CDH17: variants seen among roughly 807,000 people sequenced by gnomAD.
CDH17 encodes the protein cadherin-17.
CDH17 carries 67 observed loss-of-function variants against 86.3 expected under a neutral mutation model. The ratio of observed to expected loss-of-function variants is 0.78; its 90% CI spans 0.64 to 0.95. CDH17 has a LOEUF of 0.95. CDH17 is among the 40% of genes least tolerant of loss of function. The pLI, the probability that CDH17 is intolerant of heterozygous loss-of-function variation, is 0.00. For missense variants in CDH17, 993 were observed against 1,017.6 expected, an observed-to-expected ratio of 0.98 and a Z score of 0.33; for synonymous variants, 367 against 366.4, an observed-to-expected ratio of 1.00 and a Z score of -0.02.
intron 7 of CDH17, among the ~76,000 whole-genome samples, chr8:94,173,322 G>A (rs1813305034): frequency 6.6e-6 from 1 of 152,116 alleles, no homozygotes; most frequent in Non-Finnish European, 1.5e-5. Flanking sequence ...CGCCCTTGGT[G>A]GTAAGTGAGT....
chr8:94,206,388 G>A (rs1161659946), intron 1 of CDH17, among the ~76,000 whole-genome samples: 2 of 152,138 alleles, frequency 1.3e-5, no homozygotes, highest in African/African-American at 4.8e-5. Flanking sequence ...TTCTAAATCT[G>A]ATACCAGAGA....
Position 94,177,442 on chromosome 8 carries a change from C to A in CDH17, c.285+145G>T, listed in dbSNP as rs150778865. The A allele has an allele frequency of 1.4e-3, 1,165 of 817,776 alleles. 9 individuals are homozygous for A. Among genetic ancestry groups the A allele is most frequent in the East Asian group, 9.0e-3 (367 of 40,864 alleles). 50.7% of individuals were successfully genotyped at this position (817,776 alleles called of 1,614,324 possible). On this transcript the variant is annotated intron_variant, in intron 4 of 17. Transcript: ENST00000027335. ...CCCTCTGTAGTTGGTAAGAAATGGA[C>A]ATGTGAGGATTGCAAAGCGTCCCAT...
chr8:94,193,381 A>G (rs1813723396), intron 2 of CDH17, among the ~76,000 whole-genome samples: 1 of 152,226 alleles, frequency 6.6e-6, no homozygotes, highest in African/African-American at 2.4e-5. Flanking sequence ...AAAATGCTGT[A>G]GTAATTATAG....
upstream of CDH17, among the ~76,000 whole-genome samples, chr8:94,213,355 T>C (rs945059313): frequency 1.3e-5 from 2 of 152,170 alleles, no homozygotes; most frequent in Non-Finnish European, 2.9e-5. Flanking sequence ...TATCCTCCAG[T>C]AAATATTCTT....
intron 5 of CDH17, among the ~76,000 whole-genome samples, chr8:94,174,514 G>A (rs1001002836): frequency 6.6e-6 from 1 of 152,156 alleles, no homozygotes; most frequent in Non-Finnish European, 1.5e-5. Flanking sequence ...TCATGTTTCT[G>A]TAAAAGATCC....
intron 1 of CDH17, among the ~76,000 whole-genome samples, chr8:94,205,963 C>T (rs747583309): frequency 6.6e-6 from 1 of 152,130 alleles, no homozygotes; most frequent in Admixed American, 6.5e-5. Flanking sequence ...AACAAATCTA[C>T]CATTTCCATT....
chr8:94,194,750 A>G, intron 1 of CDH17, 45 bp from the exon 2 acceptor site: 1 of 978,846 alleles, frequency 1.0e-6, no homozygotes, highest in East Asian at 2.4e-5. Context: ...CCAGTCTGTT[A>G]AAATCATGTC....
rs906514527 is a variant in CDH17 at position 94,213,901 on chromosome 8, G to T, written c.-21+3297C>A. ...GAGCTAGTCCCTTGCAGTCCTACTT[G>T]TGACTCATCCAACTCCTTGGGCCCA... is the stretch of plus-strand genomic sequence containing the variant. On this transcript the variant is annotated intron_variant, in intron 1 of 17. Transcript: ENST00000450165. Among the ~76,000 whole-genome samples the T allele has an allele frequency of 6.6e-5, 10 of 152,034 alleles. No individual in the cohort carries two copies. The East Asian group carries it at 1.9e-3, about 29-fold the overall frequency.
At chr8:94,150,097 T>C (rs766867157) in intron 13 of CDH17, among the ~76,000 whole-genome samples, 2 of 152,222 alleles carry the variant, frequency 1.3e-5, no homozygotes, top group East Asian at 3.8e-4. Context: ...TTTCCCACAA[T>C]GTATTTTTTT....
chr8:94,150,346 C>A (rs1812833956), intron 13 of CDH17, among the ~76,000 whole-genome samples: 1 of 152,014 alleles, frequency 6.6e-6, no homozygotes, highest in South Asian at 2.1e-4. Flanking sequence ...CATGGTGGTG[C>A]CTTGGAGCAG....
intron 12 of CDH17, among the ~76,000 whole-genome samples, chr8:94,157,526 T>G (rs747939592): frequency 3.3e-5 from 5 of 152,208 alleles, no homozygotes; most frequent in Non-Finnish European, 5.9e-5. Context: ...TGATAGTCCT[T>G]CAGCCAACAC....
chr8:94,173,713 C>T, intron 7 of CDH17, 84 bp downstream of exon 7: 1 of 958,284 alleles, frequency 1.0e-6, no homozygotes, highest in Non-Finnish European at 1.7e-6. Context: ...ATAAGTGTAT[C>T]AGTGAAGACT....
intron 17 of CDH17, among the ~76,000 whole-genome samples, chr8:94,129,821 A>G (rs1812373901): frequency 6.6e-6 from 1 of 152,168 alleles, no homozygotes; most frequent in African/African-American, 2.4e-5. Context: ...TTCATACACA[A>G]TATTATTTAA....
chr8:94,208,006 C>T, intron 1 of CDH17, among the ~76,000 whole-genome samples: 1 of 152,182 alleles, frequency 6.6e-6, no homozygotes, highest in East Asian at 1.9e-4. Flanking sequence ...CCCTCCCTTG[C>T]TGTGTCCTAG....
rs1813746397 is a variant in CDH17 at position 94,194,639 on chromosome 8, T to C, written c.47A>G (p.Tyr16Cys). 2.5e-6 allele frequency: 4 copies of C among 1,601,686 alleles called. No individual in the cohort carries two copies. The South Asian group carries it at 3.3e-5, about 13-fold the overall frequency. ...AAGAACACCCTCTTCTCTTACCAAA[T>C]AAAGCATAAGAAGACACAGGGAGTG... ...HLHSLCLLML[Y>C]LATGYGQEGK... is the part of the protein sequence containing the mutation. The change falls in exon 2 of 18, where the codon TAT becomes TGT. Residue 16 changes from tyrosine to cysteine, a missense_variant. Coordinates refer to ENST00000027335, the MANE Select transcript of CDH17 (RefSeq NM_004063.4).
At chr8:94,180,394 T>C (rs1341591259) in intron 3 of CDH17, among the ~76,000 whole-genome samples, 1 of 152,096 alleles carries the variant, frequency 6.6e-6, no homozygotes, top group Non-Finnish European at 1.5e-5. Flanking sequence ...ACTTCACAAA[T>C]TTAAGAAAAA....
At chr8:94,201,947 AC>A in intron 1 of CDH17, 2 of 200,414 alleles carry the variant, frequency 1.0e-5, no homozygotes, top group South Asian at 1.1e-4. Context: ...AATTCCATTC[AC>A]CAGGGCACAC....
intron 10 of CDH17, among the ~76,000 whole-genome samples, chr8:94,163,694 G>C (rs1813101992): frequency 6.6e-6 from 1 of 152,206 alleles, no homozygotes; most frequent in South Asian, 2.1e-4. Context: ...ATATTCCCAG[G>C]TAGTTTAACT....
Position 94,148,861 on chromosome 8 carries a change from C to T in CDH17, c.1810G>A (p.Gly604Arg). Residue 604 changes from glycine to arginine, a missense_variant, in exon 14 of 18, where the codon GGA becomes AGA. Physicochemically the swap from Gly to Arg is moderately radical, Grantham distance 125 (BLOSUM62 -2). Transcript: ENST00000027335. ...ATTTTAAGCCAACCTCTTGTGTCTC[C>T]CCTCAGTGAATAGCTTCATCAAATG... Reference protein sequence around the residue: ...EGLDISYSLRGDTRGWLKIDH... With the variant: ...EGLDISYSLRRDTRGWLKIDH... 6.2e-7 allele frequency: 1 copy of T among 1,607,506 alleles called. No homozygotes were observed. The highest frequency in any genetic ancestry group is 1.3e-5 in the African/African-American group (1 of 74,376).
Sources: allele counts gnomAD v4.1 joint callset (sites outside exome capture counted in the v4.1 genomes callset), GRCh38; gene constraint gnomAD v4.1.1; transcripts MANE v1.5; gene names NCBI Gene and HGNC (gene_info 2026-07-23, HGNC 2026-07-21).